Variants in DGKG observed in about 807,000 individuals in gnomAD.
The protein encoded by DGKG is diacylglycerol kinase gamma, also known as DAG kinase gamma.
In DGKG, 78 loss-of-function variants were observed where a neutral mutation model predicts 105.3. That is an observed-to-expected ratio of 0.74 (90% CI 0.62 to 0.89). The LOEUF (loss-of-function observed/expected upper bound fraction) is 0.89. Ranked by LOEUF, DGKG falls within the 40% of genes least tolerant of loss-of-function variation. DGKG has a pLI of 0.00. For synonymous variants in DGKG, 346 were observed against 367.1 expected (o/e 0.94, Z 0.66); for missense variants, 958 against 1,020.1 (o/e 0.94, Z 0.83).
At chr3:186,159,378 A>G (rs979004290) in intron 24 of DGKG, 4 of 152,174 alleles carry the variant, frequency 2.6e-5, no homozygotes, top group Non-Finnish European at 5.9e-5. Flanking sequence ...GAAACTTCAC[A>G]TATCTTTACT....
rs536201195 is a variant in DGKG, at chr3:186,229,934, G to A, written c.1826+12570C>T. ...ACAATGAATTATAGAAGACAAAGAG[G>A]GTGCAGCAAAGTGGGACAGAATGTG... On this transcript the variant is annotated intron_variant, in intron 20 of 24. Coordinates refer to ENST00000265022, the MANE Select transcript of DGKG (RefSeq NM_001346.3). 2.6e-5 allele frequency among the ~76,000 whole-genome samples: 4 copies of A among 152,258 alleles called. No individual in the cohort carries two copies. In the South Asian group the frequency reaches 8.3e-4, roughly 32 times the overall value.
intron 1 of DGKG, among the ~76,000 whole-genome samples, chr3:186,330,923 G>A (rs895597683): frequency 1.2e-4 from 18 of 152,180 alleles, no homozygotes; most frequent in Admixed American, 7.9e-4. Flanking sequence ...TTATGTAATC[G>A]TAGATAACCA....
chr3:186,343,621 A>G (rs1726190411), intron 1 of DGKG, among the ~76,000 whole-genome samples: 1 of 152,204 alleles, frequency 6.6e-6, no homozygotes, highest in Non-Finnish European at 1.5e-5. Context: ...GGAAGAAAAT[A>G]TATTCCACAA....
At chr3:186,212,034 T>A in intron 20 of DGKG, 149 bp from the exon 21 acceptor site, 1 of 640,242 alleles carries the variant, frequency 1.6e-6, no homozygotes, top group Non-Finnish European at 2.8e-6. Context: ...GATCAAGGAA[T>A]AGAAATTTTT....
At chr3:186,155,305 G>A (rs1290313017) in intron 24 of DGKG, among the ~76,000 whole-genome samples, 4 of 152,158 alleles carry the variant, frequency 2.6e-5, no homozygotes, top group Non-Finnish European at 5.9e-5. Context: ...TGATTCTCCC[G>A]CCTCAGTCTC....
intron 20 of DGKG, among the ~76,000 whole-genome samples, chr3:186,212,644 G>C (rs80060815): frequency 6.6e-6 from 1 of 152,110 alleles, no homozygotes; most frequent in Non-Finnish European, 1.5e-5. Flanking sequence ...TGGGGTTCCC[G>C]TGTAGCTGGG....
chr3:186,148,682 T>C lies in DGKG; in HGVS notation c.*1408A>G. ...AAAAGTCTCTGAACTTTTCTGAGAC[T>C]CAATTTTCTTATCTGACAAATGGGA... On this transcript the variant is annotated 3_prime_UTR_variant, in exon 25 of 25. Transcript: ENST00000265022. 1 of 984,862 alleles carries C rather than the reference T, an allele frequency of 1.0e-6. No individual in the cohort carries two copies. Among genetic ancestry groups the C allele is most frequent in the Non-Finnish European group, 1.2e-6 (1 of 829,458 alleles). 61.0% of individuals were successfully genotyped at this position (984,862 alleles called of 1,614,324 possible). A position where few individuals can be genotyped will look rare whatever the true frequency, so the allele number is the denominator to read the frequency against.
At chr3:186,229,386 GC>G (rs1720021879) in intron 20 of DGKG, among the ~76,000 whole-genome samples, 1 of 151,954 alleles carries the variant, frequency 6.6e-6, no homozygotes, top group East Asian at 1.9e-4. Context: ...GATTACAGGT[GC>G]CCACCCGCCA....
At chr3:186,351,590 T>C (rs1726633140) in intron 1 of DGKG, among the ~76,000 whole-genome samples, 1 of 152,216 alleles carries the variant, frequency 6.6e-6, no homozygotes, top group Admixed American at 6.5e-5. Flanking sequence ...GAATGATCCC[T>C]TGGAACTAAC....
chr3:186,151,359 A>G (rs1309087125), intron 24 of DGKG, among the ~76,000 whole-genome samples: 1 of 152,230 alleles, frequency 6.6e-6, no homozygotes, highest in South Asian at 2.1e-4. Context: ...GAACAACAGA[A>G]CTCTTGAACA....
intron 9 of DGKG, 185 bp downstream of exon 9, chr3:186,279,666 G>T: frequency 1.8e-6 from 1 of 551,718 alleles, no homozygotes. Flanking sequence ...GTAAATGTCT[G>T]TCAAATGAAT....
At chr3:186,316,623 TA>T (rs1375169655) in intron 2 of DGKG, among the ~76,000 whole-genome samples, 2 of 152,192 alleles carry the variant, frequency 1.3e-5, no homozygotes, top group African/African-American at 4.8e-5. Context: ...TATATGTATG[TA>T]CGTTTACATA....
Position 186,150,134 on chromosome 3 carries a change from T to C in DGKG, c.2332A>G (p.Ser778Gly). 1.2e-6 allele frequency: 2 copies of C among 1,613,808 alleles called. No homozygotes were observed. The highest frequency in any genetic ancestry group is 1.7e-6 in the Non-Finnish European group (2 of 1,179,888). The change falls in exon 25 of 25, where the codon AGC (serine) becomes GGC (glycine). Residue 778 changes from serine to glycine, a missense_variant. Physicochemically the swap from Ser to Gly is moderately conservative, Grantham distance 56. Coordinates refer to ENST00000265022, the MANE Select transcript of DGKG (RefSeq NM_001346.3). ...TTCCTTCTCAACGAGAAGAAGCTGCTCTTCTGGGGAGGCCCCATCATCATG... is the reference window on the plus strand; with the variant it reads ...TTCCTTCTCAACGAGAAGAAGCTGCCCTTCTGGGGAGGCCCCATCATCATG... ...APMMMGPPQK[S>G]SFFSLRRKSR...
At chr3:186,304,463 T>C (rs756069763) in intron 3 of DGKG, among the ~76,000 whole-genome samples, 10 of 152,330 alleles carry the variant, frequency 6.6e-5, no homozygotes, top group South Asian at 2.1e-4. Flanking sequence ...TCATTTCCAG[T>C]GTCCAACGGA....
chr3:186,177,449 G>T (rs1010893721), intron 22 of DGKG, among the ~76,000 whole-genome samples: 6 of 152,164 alleles, frequency 3.9e-5, no homozygotes, highest in African/African-American at 7.2e-5. Flanking sequence ...TAGCTGCATT[G>T]CATGGTGCTG....
Position 186,251,768 on chromosome 3 carries a change from GGA to G in DGKG, c.1750_1751del (p.Ser584HisfsTer20). The G allele has an allele frequency of 6.2e-7, 1 of 1,614,122 alleles. No individual in the cohort carries two copies. Among genetic ancestry groups the G allele is most frequent in the Non-Finnish European group, 8.5e-7 (1 of 1,179,984 alleles). On this transcript the variant is annotated frameshift_variant, in exon 19 of 25. Coordinates refer to ENST00000265022, the MANE Select transcript of DGKG (RefSeq NM_001346.3). LOFTEE classifies it high-confidence loss of function. ...TCTTTGACCAACTCACCACACCAAT[GGA>G]GAAATAGTTGTTCATGATGCTGTAT... is the stretch of plus-strand genomic sequence containing the variant. ...VPYSIMNNYF[S>X]IGVDASIAHR...
chr3:186,355,705 G>T (rs916841242), intron 1 of DGKG, among the ~76,000 whole-genome samples: 11 of 146,134 alleles, frequency 7.5e-5, no homozygotes, highest in South Asian at 2.2e-4. Context: ...ACCATCACCA[G>T]CACCAGCACC....
rs1182744595 is a variant in DGKG at position 186,226,709 on chromosome 3, C to T, written c.1827-14824G>A. On this transcript the variant is annotated intron_variant, in intron 20 of 24. Coordinates refer to ENST00000265022, the MANE Select transcript of DGKG (RefSeq NM_001346.3). This position sits in a 1 kb window ranked among gnomAD's most constrained non-coding sequence, Gnocchi z 4.2. ...AAGGTAGGGTACTTGGCTTGATTGG[C>T]AGTTTGGAATGCTCTCCAAAAAGGC... Among the ~76,000 whole-genome samples, 1 of 152,150 alleles carries T rather than the reference C, an allele frequency of 6.6e-6. No individual in the cohort carries two copies. Among genetic ancestry groups the T allele is most frequent in the Admixed American group, 6.5e-5 (1 of 15,268 alleles).
At chr3:186,349,121 G>C (rs1462646911) in intron 1 of DGKG, among the ~76,000 whole-genome samples, 2 of 151,322 alleles carry the variant, frequency 1.3e-5, no homozygotes, top group African/African-American at 2.4e-5. Flanking sequence ...ACTCAGGCTG[G>C]AGTGCCATGT....
Sources: gnomAD v4.1 joint callset for allele counts (sites outside exome capture counted in the v4.1 genomes callset) on GRCh38, gnomAD v4.1.1 for gene constraint, Gnocchi (gnomAD v3.1) non-coding constraint, MANE v1.5 for transcripts, NCBI Gene and HGNC (gene_info 2026-07-23, HGNC 2026-07-21) for gene names.